SOX5: variants seen among roughly 807,000 people sequenced by gnomAD.
The protein encoded by SOX5 is SRY-box transcription factor 5.
SOX5 carries 9 observed loss-of-function variants against 92.0 expected under a neutral mutation model. The observed-to-expected ratio is 0.10, with a 90% CI of 0.06 to 0.17. SOX5 has a LOEUF of 0.17. Among genes scored for constraint, SOX5 ranks in the 10% least tolerant of loss-of-function variants. The probability of loss-of-function intolerance (pLI) is 1.00; values close to 1 mark genes in which losing one functional copy is unlikely to be tolerated. For missense variants in SOX5, 642 were observed against 944.5 expected (o/e 0.68, Z 4.20); for synonymous variants, 344 against 336.3 (o/e 1.02, Z -0.25).
chr12:23,570,927 AAAAATATATATATATATATATAT>A (rs1313130398), intron 10 of SOX5, among the ~76,000 whole-genome samples: 260 of 24,486 alleles, frequency 0.011, 28 homozygotes, highest in South Asian at 0.052. Flanking sequence ...AAAAAAAAAA[AAAAATATATATATATATATATAT>A]ATATATATAT....
At chr12:23,555,889 A>G (rs1194209203) in intron 11 of SOX5, among the ~76,000 whole-genome samples, 1 of 152,178 alleles carries the variant, frequency 6.6e-6, no homozygotes, top group African/African-American at 2.4e-5. Flanking sequence ...ACAGAAGAAA[A>G]CCATCTAGAA....
chr12:24,111,036 G>T (rs1375875808), intron 4 of SOX5, among the ~76,000 whole-genome samples: 7 of 150,572 alleles, frequency 4.6e-5, no homozygotes, highest in African/African-American at 1.7e-4. Context: ...TGTCTTTACT[G>T]TGGGAGACTG....
chr12:24,205,414 C>T (rs1281833860), intron 4 of SOX5, among the ~76,000 whole-genome samples: 1 of 152,124 alleles, frequency 6.6e-6, no homozygotes, highest in African/African-American at 2.4e-5. Context: ...ATCCTCAAAA[C>T]AATCATACAA....
At chr12:24,127,804 C>A (rs192237960) in intron 4 of SOX5, among the ~76,000 whole-genome samples, 1 of 152,282 alleles carries the variant, frequency 6.6e-6, no homozygotes, top group East Asian at 1.9e-4. Flanking sequence ...ATAAACCAAT[C>A]ACATAGAGAA....
chr12:23,804,034 A>C (rs2095712306), intron 3 of SOX5, among the ~76,000 whole-genome samples: 1 of 152,210 alleles, frequency 6.6e-6, no homozygotes, highest in South Asian at 2.1e-4. Context: ...TATCCATTTA[A>C]AAATAATTAA....
chr12:23,816,871 C>T (rs1179949738), intron 3 of SOX5, among the ~76,000 whole-genome samples: 3 of 152,162 alleles, frequency 2.0e-5, no homozygotes, highest in African/African-American at 7.2e-5. Flanking sequence ...ACATCACACG[C>T]CACTGAGGCT....
chr12:24,315,649 G>GA (rs1233854225), intron 2 of SOX5, among the ~76,000 whole-genome samples: 7 of 150,074 alleles, frequency 4.7e-5, no homozygotes, highest in South Asian at 4.2e-4. Flanking sequence ...TCAAGAGTAA[G>GA]AAAAAAAAAT....
chr12:24,281,008 GAA>G (rs3031153), intron 2 of SOX5, among the ~76,000 whole-genome samples: 128,405 of 141,850 alleles, frequency 0.91, 58,482 homozygotes, highest in Non-Finnish European at 0.97. Flanking sequence ...AGAGAGGAAA[GAA>G]AAAAAAAAAA....
chr12:24,496,149 C>T (rs1242162182), intron 1 of SOX5, among the ~76,000 whole-genome samples: 1 of 152,124 alleles, frequency 6.6e-6, no homozygotes, highest in East Asian at 1.9e-4. Context: ...GGGTGGAATT[C>T]CAGAACCTTA....
intron 6 of SOX5, among the ~76,000 whole-genome samples, chr12:23,667,416 T>C (rs1019488608): frequency 6.6e-6 from 1 of 152,214 alleles, no homozygotes; most frequent in Non-Finnish European, 1.5e-5. Flanking sequence ...TTCGGTCTTT[T>C]ATAGATCAGA....
chr12:24,104,842 C>T (rs948816587), intron 4 of SOX5, among the ~76,000 whole-genome samples: 4 of 152,126 alleles, frequency 2.6e-5, no homozygotes, highest in African/African-American at 9.7e-5. Flanking sequence ...TTGTTTTATT[C>T]CACGACAGCC....
chr12:24,396,936 C>T (rs1960177864), intron 1 of SOX5, among the ~76,000 whole-genome samples: 1 of 152,186 alleles, frequency 6.6e-6, no homozygotes. Flanking sequence ...AAGTTGAGGG[C>T]CATGATCCCA....
chr12:24,142,025 ACTTT>A (rs1215138773), intron 4 of SOX5, among the ~76,000 whole-genome samples: 1 of 152,062 alleles, frequency 6.6e-6, no homozygotes, highest in African/African-American at 2.4e-5. Context: ...TCCAGTTTTT[ACTTT>A]CTTATTTCCC....
intron 8 of SOX5, among the ~76,000 whole-genome samples, chr12:23,625,306 C>T (rs376408292): frequency 2.0e-5 from 3 of 152,130 alleles, no homozygotes; most frequent in Non-Finnish European, 4.4e-5. Context: ...ACATCTCATT[C>T]TAATGGGAGA....
chr12:23,844,522 CAA>C (rs536370046), intron 3 of SOX5, among the ~76,000 whole-genome samples: 331 of 152,136 alleles, frequency 2.2e-3, no homozygotes, highest in African/African-American at 7.5e-3. Flanking sequence ...ACAATGCAAT[CAA>C]GTCTATTAAA....
chr12:23,999,695 G>C (rs1205028946), intron 4 of SOX5, among the ~76,000 whole-genome samples: 1 of 151,688 alleles, frequency 6.6e-6, no homozygotes. Flanking sequence ...ATTACATAAA[G>C]CAATAATTAT....
intron 2 of SOX5, among the ~76,000 whole-genome samples, chr12:23,850,185 C>T (rs1238912239): frequency 6.6e-6 from 1 of 152,064 alleles, no homozygotes; most frequent in Non-Finnish European, 1.5e-5. Flanking sequence ...AATCCCAGCA[C>T]TTTGGGAGAC....
At chr12:24,126,430 C>A (rs546036576) in intron 4 of SOX5, among the ~76,000 whole-genome samples, 3 of 152,172 alleles carry the variant, frequency 2.0e-5, no homozygotes, top group African/African-American at 2.4e-5. Flanking sequence ...AAAGCGAAAA[C>A]CAGGATAGCA....
At chr12:24,261,211 C>A (rs1942036322) in intron 3 of SOX5, among the ~76,000 whole-genome samples, 2 of 152,096 alleles carry the variant, frequency 1.3e-5, no homozygotes, top group African/African-American at 4.8e-5. Flanking sequence ...TTTTAAAACT[C>A]TCTTTTCATA....
Sources: gnomAD v4.1 joint callset for allele counts (sites outside exome capture counted in the v4.1 genomes callset) on GRCh38, gnomAD v4.1.1 for gene constraint, MANE v1.5 for transcripts, NCBI Gene and HGNC (gene_info 2026-07-23, HGNC 2026-07-21) for gene names.